EP300: variants seen among roughly 807,000 people sequenced by gnomAD.
EP300 encodes histone acetyltransferase p300.
A neutral mutation model predicts 264.0 loss-of-function variants in EP300; 31 were observed. That is an observed-to-expected ratio of 0.12 (90% CI 0.09 to 0.16). The LOEUF is 0.16. EP300 is among the 10% of genes least tolerant of loss of function. The pLI, the probability that EP300 is intolerant of heterozygous loss-of-function variation, is 1.00. For synonymous variants in EP300, 1,340 were observed against 1,045.4 expected (o/e 1.28, Z -5.44); for missense variants, 2,766 against 3,052.9 (o/e 0.91, Z 2.21).
chr22:41,162,830 C>G, intron 21 of EP300, 51 bp downstream of exon 21: 1 of 1,483,912 alleles, frequency 6.7e-7, no homozygotes, highest in South Asian at 1.1e-5. Context: ...TTCTTTTTCC[C>G]TTTCATTCTC....
rs778302414 is a variant in EP300 at position 41,178,658 on chromosome 22, C to T, written c.6947C>T (p.Pro2316Leu). 1 of 1,614,172 alleles carries T rather than the reference C, an allele frequency of 6.2e-7. No homozygotes were observed. Among genetic ancestry groups the T allele is most frequent in the Admixed American group, 1.7e-5 (1 of 60,006 alleles). ...QVRSPQPVPS[P>L]RPQSQPPHSS... ...CGCTCTCCCCAGCCTGTCCCTTCTC[C>T]ACGGCCACAGTCCCAGCCCCCCCAC... Residue 2316 changes from proline to leucine, a missense_variant, in exon 31 of 31, where the codon CCA becomes CTA. Pro to Leu is a moderately conservative substitution (Grantham distance 98). Coordinates refer to ENST00000263253, the MANE Select transcript of EP300 (RefSeq NM_001429.4).
rs149418364 is a variant in EP300, at chr22:41,177,438, C to T, written c.5727C>T (p.Thr1909=). 139 of 1,614,092 alleles carry T rather than the reference C, an allele frequency of 8.6e-5. No homozygotes were observed. Among genetic ancestry groups the T allele is most frequent in the Non-Finnish European group, 1.1e-4 (132 of 1,180,058 alleles). Reference sequence around the variant, plus strand: ...CAGCAGGCCAGGTGACCCCTCCAACCCCTCCTCAGACTGCTCAGCCACCCC... The same window carrying T: ...CAGCAGGCCAGGTGACCCCTCCAACTCCTCCTCAGACTGCTCAGCCACCCC... ...GKAAGQVTPP[T]PPQTAQPPLP... is the part of the protein sequence containing the mutation. Residue 1909 remains threonine (T), a synonymous_variant, in exon 31 of 31, where the codon ACC becomes ACT. Transcript: ENST00000263253.
rs1055160416 is a variant in EP300, at chr22:41,157,102, G to A, written c.3262-67G>A. On this transcript the variant is annotated intron_variant, in intron 17 of 30. Transcript: ENST00000263253. Reference sequence around the variant, plus strand: ...GCCTGGAAAATTAACAATGATAATGGATGATACTCCATCTCCCGTAAAAAT... The same window carrying A: ...GCCTGGAAAATTAACAATGATAATGAATGATACTCCATCTCCCGTAAAAAT... 3.1e-6 allele frequency: 5 copies of A among 1,597,812 alleles called. No individual in the cohort carries two copies. In the African/African-American group the frequency reaches 5.4e-5, roughly 17 times the overall value.
intron 1 of EP300, among the ~76,000 whole-genome samples, chr22:41,109,522 A>G (rs112508278): frequency 1.3e-5 from 2 of 152,320 alleles, no homozygotes; most frequent in South Asian, 2.1e-4. Flanking sequence ...TGCTGTCATC[A>G]TTGTAAGCTG....
chr22:41,123,755 AC>A (rs1163558812), intron 2 of EP300, among the ~76,000 whole-genome samples: 15 of 102,934 alleles, frequency 1.5e-4, no homozygotes, highest in Non-Finnish European at 2.4e-5. Context: ...GTGGCTTCAA[AC>A]TTTGTTTGGG....
At chr22:41,172,442 T>A (rs1279655637) in intron 27 of EP300, 57 bp from the exon 28 acceptor site, 7 of 1,447,172 alleles carry the variant, frequency 4.8e-6, no homozygotes, top group Non-Finnish European at 6.8e-6. Context: ...TTATTCTGTA[T>A]AATCAATGCT....
chr22:41,167,584 G>GTATGTATATATA (rs2059143930), intron 23 of EP300, among the ~76,000 whole-genome samples: 1 of 34,502 alleles, frequency 2.9e-5, no homozygotes, highest in Non-Finnish European at 4.8e-5. Context: ...GTGTGTGTGT[G>GTATGTATATATA]TATATATATA....
At chr22:41,093,355 A>G (rs1293553387) in intron 1 of EP300, among the ~76,000 whole-genome samples, 1 of 152,170 alleles carries the variant, frequency 6.6e-6, no homozygotes, top group Non-Finnish European at 1.5e-5. Context: ...GCTATATAGA[A>G]ATGGCCTGTA....
intron 3 of EP300, among the ~76,000 whole-genome samples, chr22:41,126,468 G>A (rs1410547934): frequency 6.6e-6 from 1 of 152,118 alleles, no homozygotes; most frequent in Non-Finnish European, 1.5e-5. Flanking sequence ...CAAAAGTAAT[G>A]TATTGTTTTA....
chr22:41,115,038 A>G (rs1487517786), intron 1 of EP300, among the ~76,000 whole-genome samples: 1 of 152,188 alleles, frequency 6.6e-6, no homozygotes, highest in Non-Finnish European at 1.5e-5. Flanking sequence ...GGCTCAAGCT[A>G]TCCTCTTGCC....
rs756604865 is a variant in EP300, at chr22:41,172,681, C to T, written c.4617+18C>T. ...GCACAGATGTAAGGGCATTGAGTTT[C>T]CTTTGAAACTTCTATCATGATTCTA... On this transcript the variant is annotated intron_variant, in intron 28 of 30. Coordinates refer to ENST00000263253, the MANE Select transcript of EP300 (RefSeq NM_001429.4). The T allele has an allele frequency of 5.0e-6, 8 of 1,608,316 alleles. No individual in the cohort carries two copies. Among genetic ancestry groups the T allele is most frequent in the African/African-American group, 1.3e-5 (1 of 74,540 alleles).
chr22:41,132,688 CAT>C (rs1156916138), intron 6 of EP300, among the ~76,000 whole-genome samples: 1 of 152,122 alleles, frequency 6.6e-6, no homozygotes, highest in East Asian at 1.9e-4. Context: ...TGGGCTGAAA[CAT>C]ATAGAAATGA....
intron 6 of EP300, among the ~76,000 whole-genome samples, chr22:41,134,326 ATGTG>A (rs2058937864): frequency 6.6e-6 from 1 of 151,838 alleles, no homozygotes; most frequent in African/African-American, 2.4e-5. Flanking sequence ...CGCTGTGTGC[ATGTG>A]TGTTTTTGAG....
chr22:41,160,966 A>G (rs776183417), intron 20 of EP300, among the ~76,000 whole-genome samples: 30 of 150,774 alleles, frequency 2.0e-4, no homozygotes, highest in Non-Finnish European at 4.2e-4. Context: ...GAACATATCC[A>G]TCATAGTAGA....
chr22:41,162,725 C>T lies in EP300; in HGVS notation c.3674C>T (p.Thr1225Ile). ...TTGTGTCCCTTTTCTCTCCTTAGTA[C>T]AATAAATAAAGAACAATTTTCCAAG... Reference protein sequence around the residue: ...LGDDPSQPQTTINKEQFSKRK... With the variant: ...LGDDPSQPQTIINKEQFSKRK... Residue 1225 changes from threonine (T) to isoleucine (I), a missense_variant and splice_region_variant, in exon 21 of 31, where the codon ACA becomes ATA. Transcript: ENST00000263253. 1 of 1,610,726 alleles carries T rather than the reference C, an allele frequency of 6.2e-7. No homozygotes were observed. Among genetic ancestry groups the T allele is most frequent in the Middle Eastern group, 1.7e-4 (1 of 6,058 alleles).
At chr22:41,151,293 A>G (rs1317222062) in intron 14 of EP300, among the ~76,000 whole-genome samples, 4 of 152,202 alleles carry the variant, frequency 2.6e-5, no homozygotes, top group Non-Finnish European at 5.9e-5. Context: ...TATAAAATCA[A>G]GGATACTTCC....
chr22:41,158,527 G>C, intron 19 of EP300, 27 bp downstream of exon 19: 2 of 1,587,334 alleles, frequency 1.3e-6, no homozygotes, highest in East Asian at 2.2e-5. Context: ...GTGGACCATG[G>C]TCCATGTGTC....
Position 41,177,032 on chromosome 22 carries a change from A to C in EP300, c.5321A>C (p.Lys1774Thr). ...CAGCATACCAAGGGTTGCAAACGGA[A>C]AACCAATGGCGGGTGCCCCATCTGC... is the stretch of plus-strand genomic sequence containing the variant. ...VVQHTKGCKR[K>T]TNGGCPICKQ... is the part of the protein sequence containing the mutation. Residue 1774 changes from lysine (K) to threonine (T), a missense_variant, in exon 31 of 31, where the codon AAA becomes ACA. Physicochemically the swap from Lys to Thr is moderately conservative, Grantham distance 78. Transcript: ENST00000263253. 1 of 1,614,126 alleles carries C rather than the reference A, an allele frequency of 6.2e-7. No homozygotes were observed. Among genetic ancestry groups the C allele is most frequent in the Non-Finnish European group, 8.5e-7 (1 of 1,180,014 alleles).
chr22:41,125,511 C>G (rs1472376164), intron 2 of EP300, among the ~76,000 whole-genome samples: 2 of 152,042 alleles, frequency 1.3e-5, no homozygotes, highest in African/African-American at 4.8e-5. Flanking sequence ...AGAAACCCTC[C>G]TGCCTTGGCC....
Sources: gnomAD v4.1 joint callset for allele counts (sites outside exome capture counted in the v4.1 genomes callset) on GRCh38, gnomAD v4.1.1 for gene constraint, MANE v1.5 for transcripts, NCBI Gene and HGNC (gene_info 2026-07-23, HGNC 2026-07-21) for gene names.